TAFA2: variants seen among roughly 807,000 people sequenced by gnomAD.
TAFA2 encodes the protein TAFA chemokine like family member 2.
A neutral mutation model predicts 18.8 loss-of-function variants in TAFA2; 7 were observed. That is an observed-to-expected ratio of 0.37 (90% CI 0.21 to 0.70). The LOEUF (loss-of-function observed/expected upper bound fraction) is 0.70. TAFA2 is among the 30% of genes least tolerant of loss of function. The probability of loss-of-function intolerance (pLI) is 0.53; values close to 1 mark genes in which losing one functional copy is unlikely to be tolerated. For missense variants in TAFA2, 122 were observed against 158.1 expected, an observed-to-expected ratio of 0.77 and a Z score of 1.23; for synonymous variants, 60 against 54.2, an observed-to-expected ratio of 1.11 and a Z score of -0.47.
intron 2 of TAFA2, among the ~76,000 whole-genome samples, chr12:61,812,096 A>G (rs1871894164): frequency 6.6e-6 from 1 of 151,406 alleles, no homozygotes; most frequent in Admixed American, 6.6e-5. Context: ...ACTATGTGAC[A>G]CTTAGCAGCA....
intron 1 of TAFA2, among the ~76,000 whole-genome samples, chr12:62,227,705 T>G (rs1049239115): frequency 6.6e-6 from 1 of 152,236 alleles, no homozygotes; most frequent in Non-Finnish European, 1.5e-5. Context: ...CCCAGACCAA[T>G]GTCCTGAAGC....
At chr12:61,755,155 T>A in intron 2 of TAFA2, 131 bp from the exon 3 acceptor site, 1 of 721,516 alleles carries the variant, frequency 1.4e-6, no homozygotes, top group East Asian at 2.7e-5. Flanking sequence ...AGAAATACAA[T>A]GATGCTAACT....
chr12:61,752,139 C>G (rs1393875644), intron 4 of TAFA2, among the ~76,000 whole-genome samples: 1 of 151,954 alleles, frequency 6.6e-6, no homozygotes, highest in Non-Finnish European at 1.5e-5. Flanking sequence ...TTTTGGTTTA[C>G]TCATCTGTAA....
chr12:62,156,582 T>G (rs1256072522), intron 1 of TAFA2, among the ~76,000 whole-genome samples: 1 of 151,982 alleles, frequency 6.6e-6, no homozygotes, highest in South Asian at 2.1e-4. Flanking sequence ...AAAGAAACTG[T>G]AATATATATA....
At chr12:62,080,155 A>G (rs766579375) in intron 1 of TAFA2, among the ~76,000 whole-genome samples, 2 of 152,208 alleles carry the variant, frequency 1.3e-5, no homozygotes, top group Non-Finnish European at 2.9e-5. Context: ...GGGGCCAGCT[A>G]CAATTCTTGC....
At chr12:61,845,956 A>C (rs748823760) in intron 2 of TAFA2, among the ~76,000 whole-genome samples, 1 of 152,194 alleles carries the variant, frequency 6.6e-6, no homozygotes, top group Non-Finnish European at 1.5e-5. Flanking sequence ...ACTACAAGGG[A>C]ATAGTTGTGT....
intron 2 of TAFA2, among the ~76,000 whole-genome samples, chr12:61,782,756 G>T (rs1038949156): frequency 6.6e-6 from 1 of 151,608 alleles, no homozygotes; most frequent in African/African-American, 2.4e-5. Context: ...AGTTCACCAG[G>T]TTTCAAGTTC....
chr12:61,999,326 T>C (rs1303798667), intron 1 of TAFA2, among the ~76,000 whole-genome samples: 2 of 152,168 alleles, frequency 1.3e-5, no homozygotes, highest in Non-Finnish European at 2.9e-5. Flanking sequence ...TTCAATAGTA[T>C]CCTAACTTAA....
At chr12:62,044,622 C>T (rs1301433840) in intron 1 of TAFA2, among the ~76,000 whole-genome samples, 3 of 152,254 alleles carry the variant, frequency 2.0e-5, no homozygotes, top group East Asian at 3.9e-4. Flanking sequence ...TGTCCAGCTC[C>T]ACTGTTTGCT....
chr12:62,118,786 A>G (rs542433678), intron 1 of TAFA2, among the ~76,000 whole-genome samples: 67 of 152,080 alleles, frequency 4.4e-4, no homozygotes, highest in Middle Eastern at 3.4e-3. Flanking sequence ...TTCTGTGTCT[A>G]TTTATAACTT....
intron 1 of TAFA2, among the ~76,000 whole-genome samples, chr12:62,257,361 G>C (rs1198665572): frequency 6.6e-6 from 1 of 151,688 alleles, no homozygotes; most frequent in Non-Finnish European, 1.5e-5. Flanking sequence ...TTTTTCTCTG[G>C]TTCACCCCAG....
At chr12:61,853,458 G>A (rs1019854100) in intron 2 of TAFA2, among the ~76,000 whole-genome samples, 7 of 150,040 alleles carry the variant, frequency 4.7e-5, no homozygotes, top group Admixed American at 1.3e-4. Context: ...TTTTGATGGC[G>A]GATTAAAAAA....
intron 1 of TAFA2, among the ~76,000 whole-genome samples, chr12:62,044,254 G>A (rs1881848740): frequency 1.3e-5 from 2 of 151,944 alleles, no homozygotes; most frequent in South Asian, 4.1e-4. Context: ...TTTAGTTCAA[G>A]TTCTTAATAC....
At chr12:62,176,575 A>C (rs1328473511) in intron 1 of TAFA2, among the ~76,000 whole-genome samples, 1 of 152,222 alleles carries the variant, frequency 6.6e-6, no homozygotes, top group African/African-American at 2.4e-5. Flanking sequence ...ATGAATAAAT[A>C]TTTGAGTACA....
intron 1 of TAFA2, among the ~76,000 whole-genome samples, chr12:61,964,475 C>A (rs918718221): frequency 6.6e-6 from 1 of 151,760 alleles, no homozygotes; most frequent in African/African-American, 2.4e-5. Flanking sequence ...AATGTTCTGA[C>A]CTATACTTAA....
rs74096156 is a variant in TAFA2, at chr12:61,992,230, T to C, written c.-1-124804A>G. ...TAGAAGTCCATAAAAACCTCAAAGC[T>C]AATGTGTCCTATAGAATGTTTGATA... On this transcript the variant is annotated intron_variant, in intron 1 of 4. Coordinates refer to ENST00000416284, the MANE Select transcript of TAFA2 (RefSeq NM_178539.5). 6.1e-3 allele frequency among the ~76,000 whole-genome samples: 928 copies of C among 152,274 alleles called. 12 individuals are homozygous for C. Among genetic ancestry groups the C allele is most frequent in the African/African-American group, 0.021 (890 of 41,542 alleles).
intron 4 of TAFA2, among the ~76,000 whole-genome samples, chr12:61,724,043 C>T (rs1315490612): frequency 6.6e-6 from 1 of 152,056 alleles, no homozygotes; most frequent in Non-Finnish European, 1.5e-5. Flanking sequence ...ATTGGTTCAC[C>T]ATTGCCCCAA....
At chr12:61,989,486 A>G (rs1378915335) in intron 1 of TAFA2, among the ~76,000 whole-genome samples, 1 of 151,944 alleles carries the variant, frequency 6.6e-6, no homozygotes, top group Non-Finnish European at 1.5e-5. Context: ...ATATAAAAAT[A>G]TGTGCTCCCC....
intron 1 of TAFA2, among the ~76,000 whole-genome samples, chr12:61,977,714 T>C (rs1245546235): frequency 3.3e-5 from 5 of 152,120 alleles, no homozygotes; most frequent in African/African-American, 4.8e-5. Context: ...CTACAGGTCT[T>C]TGTAGCTTCC....
Sources: allele counts gnomAD v4.1 joint callset (sites outside exome capture counted in the v4.1 genomes callset), GRCh38; gene constraint gnomAD v4.1.1; transcripts MANE v1.5; gene names NCBI Gene and HGNC (gene_info 2026-07-23, HGNC 2026-07-21).